SDK2: variants seen among roughly 807,000 people sequenced by gnomAD.
The protein encoded by SDK2 is sidekick cell adhesion molecule 2, also known as protein sidekick-2.
In SDK2, 105 loss-of-function variants were observed where a neutral mutation model predicts 253.9. The ratio of observed to expected loss-of-function variants is 0.41; its 90% CI spans 0.35 to 0.49. The LOEUF (loss-of-function observed/expected upper bound fraction) is 0.49. Ranked by LOEUF, SDK2 falls within the 20% of genes least tolerant of loss-of-function variation. The pLI is 0.06. For synonymous variants in SDK2, 1,249 were observed against 1,234.9 expected (o/e 1.01, Z -0.24); for missense variants, 2,608 against 3,003.0 (o/e 0.87, Z 3.07).
chr17:73,540,526 T>G (rs964195776), intron 1 of SDK2, among the ~76,000 whole-genome samples: 1 of 152,240 alleles, frequency 6.6e-6, no homozygotes, highest in Non-Finnish European at 1.5e-5. Context: ...GGTATGATAT[T>G]TGCTATTAAA....
intron 20 of SDK2, 110 bp downstream of exon 20, chr17:73,401,544 G>A (rs1195817616): frequency 2.9e-6 from 3 of 1,024,780 alleles, no homozygotes; most frequent in South Asian, 1.4e-5. Flanking sequence ...GAAAGCATGG[G>A]TTGGCTTCAA....
intron 36 of SDK2, among the ~76,000 whole-genome samples, chr17:73,376,597 T>C (rs1331842188): frequency 6.6e-6 from 1 of 152,120 alleles, no homozygotes; most frequent in Admixed American, 6.6e-5. Context: ...CGGGTCATGT[T>C]TTCTGGAGCA....
At chr17:73,543,245 G>A (rs895787032) in intron 1 of SDK2, among the ~76,000 whole-genome samples, 2 of 152,102 alleles carry the variant, frequency 1.3e-5, no homozygotes, top group African/African-American at 4.8e-5. Context: ...GAGGAGGAGA[G>A]GCTGGAGTGG....
intron 36 of SDK2, chr17:73,369,251 T>C (rs1004537885): frequency 8.8e-6 from 4 of 453,286 alleles, no homozygotes; most frequent in African/African-American, 8.0e-5. Context: ...GATAAGGCAG[T>C]GTGGAGTCTA....
intron 1 of SDK2, among the ~76,000 whole-genome samples, chr17:73,638,904 G>A (rs1159230569): frequency 2.0e-5 from 3 of 150,454 alleles, no homozygotes; most frequent in Middle Eastern, 6.8e-3. Context: ...CCGCCTCCCA[G>A]GTTCAAGAGA....
intron 1 of SDK2, among the ~76,000 whole-genome samples, chr17:73,545,200 G>C (rs963463039): frequency 6.6e-6 from 1 of 151,694 alleles, no homozygotes; most frequent in South Asian, 2.1e-4. Flanking sequence ...CCCCTCCCCT[G>C]GAAATCCCTT....
At chr17:73,505,378 G>A (rs2063926615) in intron 2 of SDK2, among the ~76,000 whole-genome samples, 1 of 152,236 alleles carries the variant, frequency 6.6e-6, no homozygotes. Context: ...TCATAGGATT[G>A]TGGGCAGGAT....
chr17:73,408,384 T>C (rs1568387079), intron 18 of SDK2, among the ~76,000 whole-genome samples: 1 of 12,602 alleles, frequency 7.9e-5, no homozygotes, highest in Non-Finnish European at 7.3e-4. Context: ...CGCCTGGCTA[T>C]TTTTTTTTTT....
At chr17:73,360,849 T>C (rs1180625465) in intron 39 of SDK2, among the ~76,000 whole-genome samples, 2 of 151,442 alleles carry the variant, frequency 1.3e-5, no homozygotes, top group African/African-American at 4.9e-5. Context: ...AGCTTGAGAA[T>C]TGCTTGAACC....
chr17:73,450,680 G>C (rs2063484772), intron 4 of SDK2, among the ~76,000 whole-genome samples: 1 of 152,192 alleles, frequency 6.6e-6, no homozygotes, highest in African/African-American at 2.4e-5. Context: ...TCTATATCAT[G>C]ATCAAGCTTT....
Position 73,338,110 on chromosome 17 carries a change from G to A in SDK2, c.*477C>T, listed in dbSNP as rs566145611. 8 of 256,146 alleles carry A rather than the reference G, an allele frequency of 3.1e-5. No homozygotes were observed. Among genetic ancestry groups the A allele is most frequent in the East Asian group, 1.3e-4 (1 of 7,878 alleles). 15.9% of individuals were successfully genotyped at this position (256,146 alleles called of 1,614,324 possible). A position where few individuals can be genotyped will look rare whatever the true frequency, so the allele number is the denominator to read the frequency against. On this transcript the variant is annotated 3_prime_UTR_variant, in exon 45 of 45. Coordinates refer to ENST00000392650, the MANE Select transcript of SDK2 (RefSeq NM_001144952.2). The surrounding 1 kb of genome is among the most constrained non-coding windows in gnomAD (Gnocchi z 5.0). The stretch of plus-strand genomic sequence containing the variant: ...GGAGGAGCAGAGAGAGAAGATAGGC[G>A]TGGCCTCCGGGATGCCCATTCTTTT...
chr17:73,641,464 AACCTC>A (rs1818811938), intron 1 of SDK2, among the ~76,000 whole-genome samples: 2 of 152,284 alleles, frequency 1.3e-5, no homozygotes, highest in Non-Finnish European at 2.9e-5. Context: ...CTCTTTCTAC[AACCTC>A]ACTGCACTTT....
intron 1 of SDK2, among the ~76,000 whole-genome samples, chr17:73,527,342 C>T (rs2064133852): frequency 6.6e-6 from 1 of 152,134 alleles, no homozygotes; most frequent in Admixed American, 6.5e-5. Context: ...GGATGGTGTG[C>T]AGATGACAGT....
rs4969103 is a variant in SDK2, at chr17:73,336,082, C to G, written c.*2505G>C. 139,196 of 152,042 alleles carry G rather than the reference C, an allele frequency of 0.92. 64,064 individuals are homozygous for G. Among genetic ancestry groups the G allele is most frequent in the East Asian group, 0.96 (4,973 of 5,170 alleles). The allele number at this position is 152,042 out of a possible 1,614,324, so 9.4% of individuals were successfully genotyped here. ...ACTCCTGCTTCCTCCCAAATAATCC[C>G]TCACTGGGCTGGGCTTAAATAATTC... On this transcript the variant is annotated 3_prime_UTR_variant, in exon 45 of 45. Coordinates refer to ENST00000392650, the MANE Select transcript of SDK2 (RefSeq NM_001144952.2).
chr17:73,565,961 C>A (rs2145858862), intron 1 of SDK2, among the ~76,000 whole-genome samples: 1 of 152,298 alleles, frequency 6.6e-6, no homozygotes, highest in South Asian at 2.1e-4. Context: ...GTAGCTGGGA[C>A]TACGGGCGCA....
At chr17:73,454,564 G>T (rs1295403234) in intron 4 of SDK2, among the ~76,000 whole-genome samples, 1 of 152,238 alleles carries the variant, frequency 6.6e-6, no homozygotes, top group Non-Finnish European at 1.5e-5. Flanking sequence ...ACTGGAAGGA[G>T]AACGAGATTG....
chr17:73,393,042 C>T lies in SDK2; in HGVS notation c.3898+518G>A, dbSNP rs537284537. ...GGTGGATTGCCTGAGGTCAGGAGTT[C>T]GAGACCAGCCTGGCCAACATGGTGA... On this transcript the variant is annotated intron_variant, in intron 27 of 44. Transcript: ENST00000392650. 1.4e-4 allele frequency among the ~76,000 whole-genome samples: 22 copies of T among 151,858 alleles called. No individual in the cohort carries two copies. In the South Asian group the frequency reaches 4.4e-3, roughly 30 times the overall value.
intron 16 of SDK2, 141 bp from the exon 17 acceptor site, chr17:73,416,133 G>A (rs1209869471): frequency 3.1e-6 from 2 of 652,512 alleles, no homozygotes; most frequent in Admixed American, 2.8e-5. Context: ...CCGACAGGGT[G>A]CCCGCCAGCA....
chr17:73,395,535 T>C lies in SDK2; in HGVS notation c.3355-143A>G. Reference sequence around the variant, plus strand: ...CCCGGTCAGTGTCCACATGAGGCTCTCTCACCCGAGTGTGGCTTAGGTTGT... The same window carrying C: ...CCCGGTCAGTGTCCACATGAGGCTCCCTCACCCGAGTGTGGCTTAGGTTGT... On this transcript the variant is annotated intron_variant, in intron 24 of 44. Transcript: ENST00000392650. This position sits in a 1 kb window ranked among gnomAD's most constrained non-coding sequence, Gnocchi z 4.3. 4.7e-6 allele frequency: 3 copies of C among 641,906 alleles called. No homozygotes were observed. The highest frequency in any genetic ancestry group is 2.7e-6 in the Non-Finnish European group (1 of 365,720). 39.8% of individuals were successfully genotyped at this position (641,906 alleles called of 1,614,324 possible).
Sources: allele counts gnomAD v4.1 joint callset (sites outside exome capture counted in the v4.1 genomes callset), GRCh38; gene constraint gnomAD v4.1.1; non-coding constraint Gnocchi (gnomAD v3.1); transcripts MANE v1.5; gene names NCBI Gene and HGNC (gene_info 2026-07-23, HGNC 2026-07-21).